The following PTPRU variants were observed in gnomAD, a reference collection of about 807,000 sequenced individuals.
PTPRU encodes the protein receptor-type tyrosine-protein phosphatase U.
A neutral mutation model predicts 166.3 loss-of-function variants in PTPRU; 69 were observed. The observed-to-expected ratio is 0.41, with a 90% CI of 0.34 to 0.51. PTPRU has a LOEUF of 0.51. Among genes scored for constraint, PTPRU ranks in the 20% least tolerant of loss-of-function variants. The pLI, the probability that PTPRU is intolerant of heterozygous loss-of-function variation, is 0.09. For synonymous variants in PTPRU, 793 were observed against 814.0 expected (o/e 0.97, Z 0.44); for missense variants, 1,657 against 2,013.7 (o/e 0.82, Z 3.39).
rs1263324826 is a variant in PTPRU at position 29,311,144 on chromosome 1, C to A, written c.2858-312C>A. 1.3e-5 allele frequency among the ~76,000 whole-genome samples: 2 copies of A among 152,172 alleles called. No individual in the cohort carries two copies. Among genetic ancestry groups the A allele is most frequent in the South Asian group, 4.1e-4 (2 of 4,826 alleles). ...GTGGCTGCCTGGATTCTTCTGTTTG[C>A]ATCCCTTTCCACGACTGTCCATCTG... On this transcript the variant is annotated intron_variant, in intron 19 of 29. Coordinates refer to ENST00000373779, the MANE Select transcript of PTPRU (RefSeq NM_133178.4). This position sits in a 1 kb window ranked among gnomAD's most constrained non-coding sequence, Gnocchi z 4.1.
intron 25 of PTPRU, 125 bp downstream of exon 25, chr1:29,318,046 G>A: frequency 2.3e-6 from 3 of 1,287,274 alleles, no homozygotes; most frequent in Non-Finnish European, 3.2e-6. Flanking sequence ...CTGGGGAACA[G>A]GCCTGTGTGT....
At chr1:29,300,559 T>G (rs1301512852) in intron 15 of PTPRU, among the ~76,000 whole-genome samples, 7 of 152,320 alleles carry the variant, frequency 4.6e-5, no homozygotes, top group Non-Finnish European at 4.4e-5. Context: ...GGCCAGTCTT[T>G]TCTCTTTGGA....
intron 2 of PTPRU, among the ~76,000 whole-genome samples, chr1:29,256,100 G>A (rs910500749): frequency 1.3e-5 from 2 of 152,110 alleles, no homozygotes; most frequent in African/African-American, 4.8e-5. Context: ...AGCCTCCATT[G>A]TCTTCACTGT....
intron 12 of PTPRU, 30 bp downstream of exon 12, chr1:29,282,979 G>A (rs755817681): frequency 6.3e-6 from 10 of 1,588,350 alleles, no homozygotes; most frequent in East Asian, 4.7e-5. Context: ...CATGGTGGGC[G>A]TGGTTGGGTG....
At chr1:29,283,723 G>T in intron 12 of PTPRU, 1 of 568,970 alleles carries the variant, frequency 1.8e-6, no homozygotes, top group Non-Finnish European at 3.1e-6. Context: ...TTTTGCCTCC[G>T]ATCTCATCCC....
intron 16 of PTPRU, 32 bp from the exon 17 acceptor site, chr1:29,304,742 C>T (rs369208743): frequency 6.4e-7 from 1 of 1,567,964 alleles, no homozygotes; most frequent in Non-Finnish European, 8.8e-7. Context: ...GGGTCCCTCT[C>T]TCCCACTGAC....
At position 29,257,392 on chromosome 1, in the gene PTPRU, G is replaced by C. The variant is rs1213361686; in HGVS notation, c.206-1113G>C. On this transcript the variant is annotated intron_variant, in intron 2 of 29. Coordinates refer to ENST00000373779, the MANE Select transcript of PTPRU (RefSeq NM_133178.4). This position sits in a 1 kb window ranked among gnomAD's most constrained non-coding sequence, Gnocchi z 4.6. ...GATGAATGAGATCGCCTCCAGCAGA[G>C]TCCCTGGGGAGCCCTCCTGGAGCGG... 6.6e-6 allele frequency among the ~76,000 whole-genome samples: 1 copy of C among 152,194 alleles called. No individual in the cohort carries two copies. Among genetic ancestry groups the C allele is most frequent in the Non-Finnish European group, 1.5e-5 (1 of 68,042 alleles).
chr1:29,308,284 CTT>C (rs567805935), intron 18 of PTPRU, among the ~76,000 whole-genome samples: 33 of 136,070 alleles, frequency 2.4e-4, no homozygotes, highest in Non-Finnish European at 2.4e-4. Context: ...TAATTTTTTC[CTT>C]TTTTTTTTTT....
chr1:29,250,257 A>C (rs1684491645), intron 1 of PTPRU, among the ~76,000 whole-genome samples: 1 of 151,850 alleles, frequency 6.6e-6, no homozygotes. Flanking sequence ...AGTCTTCATC[A>C]TCCTTGTACC....
At chr1:29,258,063 C>T (rs1684850589) in intron 2 of PTPRU, among the ~76,000 whole-genome samples, 1 of 152,106 alleles carries the variant, frequency 6.6e-6, no homozygotes, top group Admixed American at 6.5e-5. Flanking sequence ...CTCCCAGGTT[C>T]AAGCAATTCT....
intron 1 of PTPRU, among the ~76,000 whole-genome samples, chr1:29,249,500 G>C (rs1029472676): frequency 6.6e-6 from 1 of 152,256 alleles, no homozygotes; most frequent in Non-Finnish European, 1.5e-5. Flanking sequence ...GTAGAGATGG[G>C]GTGCCCAAGG....
chr1:29,259,662 A>G, intron 5 of PTPRU, 98 bp downstream of exon 5: 3 of 1,311,596 alleles, frequency 2.3e-6, no homozygotes, highest in Admixed American at 2.3e-5. Context: ...TCCCTGCTTC[A>G]TACTCCAGCA....
intron 15 of PTPRU, among the ~76,000 whole-genome samples, chr1:29,296,435 A>T (rs1308315909): frequency 1.3e-5 from 2 of 151,826 alleles, no homozygotes; most frequent in African/African-American, 2.4e-5. Context: ...TTAGATTTTT[A>T]AAAAATTACC....
intron 14 of PTPRU, among the ~76,000 whole-genome samples, chr1:29,286,091 G>A (rs1249978332): frequency 6.6e-6 from 1 of 152,206 alleles, no homozygotes; most frequent in Non-Finnish European, 1.5e-5. Context: ...GAGAGAGAGA[G>A]CTGGCTGGGG....
intron 11 of PTPRU, among the ~76,000 whole-genome samples, chr1:29,281,480 T>C (rs1043800045): frequency 6.6e-6 from 1 of 152,176 alleles, no homozygotes; most frequent in Middle Eastern, 3.4e-3. Context: ...GCAGGCTTGG[T>C]GGGAGGGGAG....
chr1:29,266,353 A>G (rs1177005053), intron 7 of PTPRU, among the ~76,000 whole-genome samples: 1 of 151,954 alleles, frequency 6.6e-6, no homozygotes, highest in Admixed American at 6.6e-5. Context: ...TAAGTTTATG[A>G]TCTATTTTGG....
rs765275892 is a variant in PTPRU at position 29,258,781 on chromosome 1, G to T, written c.477+5G>T. ...TTCTGGCCCAATGAATATCAGGTGGGCTGGGTTCAGTCAGCGGTCAGCCTG... is the reference window on the plus strand; with the variant it reads ...TTCTGGCCCAATGAATATCAGGTGGTCTGGGTTCAGTCAGCGGTCAGCCTG... On this transcript the variant is annotated splice_donor_5th_base_variant and intron_variant, in intron 3 of 29. Transcript: ENST00000373779. 3 of 1,563,338 alleles carry T rather than the reference G, an allele frequency of 1.9e-6. No individual in the cohort carries two copies. Among genetic ancestry groups the T allele is most frequent in the Non-Finnish European group, 2.6e-6 (3 of 1,153,734 alleles).
Position 29,260,689 on chromosome 1 carries a change from C to A in PTPRU, c.930C>A (p.Ser310=). Residue 310 remains serine, a synonymous_variant, in exon 7 of 30, where the codon TCC becomes TCA. Transcript: ENST00000373779. The surrounding 1 kb of genome is among the most constrained non-coding windows in gnomAD (Gnocchi z 8.3). The stretch of plus-strand genomic sequence containing the variant: ...TCATCATCCAGCTCAACACCAACTC[C>A]ATCATTGGCGACGGGCCGATCGTGC... ...TYLIIQLNTN[S]IIGDGPIVRK... 6.3e-7 allele frequency: 1 copy of A among 1,582,068 alleles called. No homozygotes were observed. The highest frequency in any genetic ancestry group is 8.6e-7 in the Non-Finnish European group (1 of 1,162,324).
In PTPRU at chr1:29,236,627, G is replaced by C. The variant is rs1351869950; in HGVS notation, c.-18G>C. ...GTCCCCCGCGCCGGGCCCCGGGACGGGCGGCGACGCTCCAACCATGGCCCG... is the reference window on the plus strand; with the variant it reads ...GTCCCCCGCGCCGGGCCCCGGGACGCGCGGCGACGCTCCAACCATGGCCCG... On this transcript the variant is annotated 5_prime_UTR_variant, in exon 1 of 30. Coordinates refer to ENST00000373779, the MANE Select transcript of PTPRU (RefSeq NM_133178.4). This position sits in a 1 kb window ranked among gnomAD's most constrained non-coding sequence, Gnocchi z 4.6. 2 of 1,245,088 alleles carry C rather than the reference G, an allele frequency of 1.6e-6. No homozygotes were observed. Among genetic ancestry groups the C allele is most frequent in the African/African-American group, 1.6e-5 (1 of 64,236 alleles). The allele number at this position is 1,245,088 out of a possible 1,614,324, so 77.1% of individuals were successfully genotyped here.
Sources: gnomAD v4.1 joint callset for allele counts (sites outside exome capture counted in the v4.1 genomes callset) on GRCh38, gnomAD v4.1.1 for gene constraint, Gnocchi (gnomAD v3.1) non-coding constraint, MANE v1.5 for transcripts, NCBI Gene and HGNC (gene_info 2026-07-23, HGNC 2026-07-21) for gene names.